The following TAFA4 variants were observed in gnomAD, a reference collection of about 807,000 sequenced individuals.
The protein encoded by TAFA4 is chemokine-like protein TAFA-4.
TAFA4 carries 20 observed loss-of-function variants against 21.1 expected under a neutral mutation model. That is an observed-to-expected ratio of 0.95 (90% CI 0.67 to 1.38). The LOEUF (loss-of-function observed/expected upper bound fraction) is 1.38, where lower values mean the gene tolerates loss of function less well. Ranked by LOEUF, TAFA4 falls within the 40% of genes most tolerant of loss-of-function variation. TAFA4 has a pLI of 0.00. For synonymous variants in TAFA4, 71 were observed against 67.4 expected (o/e 1.05, Z -0.26); for missense variants, 211 against 180.9 (o/e 1.17, Z -0.95).
At chr3:68,747,937 A>G (rs1438342528) in intron 4 of TAFA4, among the ~76,000 whole-genome samples, 2 of 152,134 alleles carry the variant, frequency 1.3e-5, no homozygotes, top group Non-Finnish European at 2.9e-5. Flanking sequence ...TTCCCGAGTT[A>G]GCCCCACTCA....
chr3:68,858,488 T>C (rs1342909780), intron 3 of TAFA4, among the ~76,000 whole-genome samples: 1 of 152,082 alleles, frequency 6.6e-6, no homozygotes, highest in African/African-American at 2.4e-5. Context: ...TACTTACCAA[T>C]TTTCCTTTTT....
intron 3 of TAFA4, among the ~76,000 whole-genome samples, chr3:68,790,241 A>C (rs1008804711): frequency 6.6e-6 from 1 of 152,130 alleles, no homozygotes; most frequent in Non-Finnish European, 1.5e-5. Context: ...GAAAGATCAG[A>C]TATGTACATT....
chr3:68,817,229 A>G (rs1704000564), intron 3 of TAFA4, among the ~76,000 whole-genome samples: 1 of 152,218 alleles, frequency 6.6e-6, no homozygotes, highest in Admixed American at 6.5e-5. Context: ...ATTCCATCTC[A>G]GGAAACTACT....
chr3:68,798,034 T>TA lies in TAFA4; in HGVS notation c.131-45017dup, dbSNP rs534165287. Among the ~76,000 whole-genome samples, 19 of 152,318 alleles carry TA rather than the reference T, an allele frequency of 1.2e-4. No individual in the cohort carries two copies. In the East Asian group the frequency reaches 3.1e-3, roughly 25 times the overall value. ...AACATATTTCTCAAAAAGAATATAA[T>TA]ATAGGTATATCTTCATCCAGCTGTC... On this transcript the variant is annotated intron_variant, in intron 3 of 5. Coordinates refer to ENST00000295569, the MANE Select transcript of TAFA4 (RefSeq NM_182522.5).
chr3:68,812,463 T>C (rs961749154), intron 3 of TAFA4, among the ~76,000 whole-genome samples: 2 of 151,678 alleles, frequency 1.3e-5, no homozygotes, highest in African/African-American at 4.9e-5. Context: ...AGGCTCAAAA[T>C]AAAAGGATGG....
intron 3 of TAFA4, among the ~76,000 whole-genome samples, chr3:68,861,567 A>T (rs2089344881): frequency 6.6e-6 from 1 of 151,970 alleles, no homozygotes; most frequent in Non-Finnish European, 1.5e-5. Flanking sequence ...ACCACAAAAG[A>T]TGCATGGACC....
intron 3 of TAFA4, among the ~76,000 whole-genome samples, chr3:68,871,948 T>G (rs1056092071): frequency 5.3e-5 from 8 of 152,050 alleles, no homozygotes; most frequent in Non-Finnish European, 1.2e-4. Context: ...CATACATCAT[T>G]GGGGGAATGT....
At chr3:68,793,501 TAGTC>T (rs1703401837) in intron 3 of TAFA4, among the ~76,000 whole-genome samples, 1 of 152,208 alleles carries the variant, frequency 6.6e-6, no homozygotes, top group Non-Finnish European at 1.5e-5. Context: ...ATGCAATAAT[TAGTC>T]AGAAAGCTAA....
At chr3:68,761,156 G>C (rs1702749284) in intron 3 of TAFA4, among the ~76,000 whole-genome samples, 1 of 152,214 alleles carries the variant, frequency 6.6e-6, no homozygotes. Flanking sequence ...TTTCGCATGT[G>C]TAAGTAGTAC....
intron 3 of TAFA4, among the ~76,000 whole-genome samples, chr3:68,837,434 A>G (rs989698001): frequency 3.3e-5 from 5 of 152,212 alleles, no homozygotes; most frequent in Non-Finnish European, 5.9e-5. Flanking sequence ...AATATGGTCA[A>G]TTTCAACCCT....
chr3:68,836,038 A>C (rs771067385), intron 3 of TAFA4, among the ~76,000 whole-genome samples: 1 of 152,228 alleles, frequency 6.6e-6, no homozygotes, highest in Non-Finnish European at 1.5e-5. Context: ...AACCTACCCC[A>C]GCTAGATCTG....
chr3:68,769,617 G>A (rs756880646), intron 3 of TAFA4, among the ~76,000 whole-genome samples: 7 of 152,186 alleles, frequency 4.6e-5, no homozygotes, highest in South Asian at 2.1e-4. Context: ...TGGTGGATAC[G>A]CTACCATACC....
At chr3:68,792,517 G>T (rs1226041908) in intron 3 of TAFA4, among the ~76,000 whole-genome samples, 1 of 152,110 alleles carries the variant, frequency 6.6e-6, no homozygotes, top group South Asian at 2.1e-4. Context: ...GACAAAAAAA[G>T]AAGAAATTTT....
At chr3:68,911,973 T>C (rs962945842) in intron 1 of TAFA4, among the ~76,000 whole-genome samples, 9 of 152,174 alleles carry the variant, frequency 5.9e-5, no homozygotes, top group African/African-American at 1.9e-4. Context: ...ATAAGCCCCC[T>C]TGGATCAATG....
chr3:68,763,661 C>T (rs940655919), intron 3 of TAFA4, among the ~76,000 whole-genome samples: 11 of 152,114 alleles, frequency 7.2e-5, no homozygotes, highest in African/African-American at 2.7e-4. Context: ...TTTGTCTTCC[C>T]TTACTACTCA....
At chr3:68,810,545 G>T (rs766522962) in intron 3 of TAFA4, among the ~76,000 whole-genome samples, 2 of 152,108 alleles carry the variant, frequency 1.3e-5, no homozygotes, top group Non-Finnish European at 2.9e-5. Flanking sequence ...TGGCTCTGAG[G>T]GTCCTATGCC....
intron 1 of TAFA4, among the ~76,000 whole-genome samples, chr3:68,906,339 A>G (rs2106994588): frequency 6.6e-6 from 1 of 152,312 alleles, no homozygotes; most frequent in East Asian, 1.9e-4. Flanking sequence ...TTTACTTTCA[A>G]TTATTCGGGG....
intron 3 of TAFA4, among the ~76,000 whole-genome samples, chr3:68,870,748 C>T (rs1282695233): frequency 1.3e-5 from 2 of 152,028 alleles, no homozygotes; most frequent in South Asian, 2.1e-4. Flanking sequence ...GCTCCCCACC[C>T]GACAGGCCCT....
intron 3 of TAFA4, among the ~76,000 whole-genome samples, chr3:68,870,222 C>T (rs114201072): frequency 0.021 from 3,175 of 151,980 alleles, 117 homozygotes; most frequent in African/African-American, 0.072. Flanking sequence ...AAAAGAAACA[C>T]GCCTATACTC....
Sources: gnomAD v4.1 joint callset for allele counts (sites outside exome capture counted in the v4.1 genomes callset) on GRCh38, gnomAD v4.1.1 for gene constraint, MANE v1.5 for transcripts, NCBI Gene and HGNC (gene_info 2026-07-23, HGNC 2026-07-21) for gene names.